AGPAT3: variants seen among roughly 807,000 people sequenced by gnomAD.
The protein encoded by AGPAT3 is 1-acyl-sn-glycerol-3-phosphate acyltransferase gamma.
A neutral mutation model predicts 47.3 loss-of-function variants in AGPAT3; 5 were observed. The observed-to-expected ratio is 0.11, with a 90% CI of 0.06 to 0.22. The LOEUF (loss-of-function observed/expected upper bound fraction) is 0.22. AGPAT3 is among the 10% of genes least tolerant of loss of function. The pLI is 1.00. For synonymous variants in AGPAT3, 212 were observed against 208.3 expected, an observed-to-expected ratio of 1.02 and a Z score of -0.15; for missense variants, 315 against 493.0, an observed-to-expected ratio of 0.64 and a Z score of 3.42.
At chr21:43,919,922 C>A (rs1418287992) in intron 2 of AGPAT3, 1 of 152,230 alleles carries the variant, frequency 6.6e-6, no homozygotes, top group Non-Finnish European at 1.5e-5. Flanking sequence ...GTTTTCTTCC[C>A]AAATAGTGTA....
chr21:43,895,414 T>G (rs1273956728), intron 1 of AGPAT3, among the ~76,000 whole-genome samples: 2 of 152,076 alleles, frequency 1.3e-5, no homozygotes, highest in African/African-American at 4.8e-5. Context: ...CAGCCTGTTA[T>G]CAGCATTTTA....
In AGPAT3 at chr21:43,934,660, G is replaced by A. The variant is rs2087371796; in HGVS notation, c.-48-24974G>A. Among the ~76,000 whole-genome samples the A allele has an allele frequency of 6.6e-6, 1 of 152,196 alleles. No individual in the cohort carries two copies. The highest frequency in any genetic ancestry group is 2.4e-5 in the African/African-American group (1 of 41,440). On this transcript the variant is annotated intron_variant, in intron 2 of 9. Transcript: ENST00000291572. The surrounding 1 kb of genome is among the most constrained non-coding windows in gnomAD (Gnocchi z 4.7). ...AGGGGCGGGCTCAAGCCCTGGTCGT[G>A]AGCAGGATGACATTCAGATAGCTGG...
At position 43,970,790 on chromosome 21, in the gene AGPAT3, G is replaced by A; in HGVS notation, c.648G>A (p.Lys216=). 3.8e-6 allele frequency: 6 copies of A among 1,587,904 alleles called. No individual in the cohort carries two copies. The highest frequency in any genetic ancestry group is 5.2e-6 in the Non-Finnish European group (6 of 1,161,944). The change falls in exon 6 of 10, where the codon AAG becomes AAA. Residue 216 remains lysine (K), a synonymous_variant. Transcript: ENST00000291572. The surrounding 1 kb of genome is among the most constrained non-coding windows in gnomAD (Gnocchi z 5.8). The part of the protein sequence containing the change: ...PRTKGFTTAV[K]CLRGTVAAVY... ...CCAAGGGCTTCACCACCGCAGTCAA[G>A]TGCCTCCGGGGGACAGGTAGGCCCC...
intron 2 of AGPAT3, among the ~76,000 whole-genome samples, chr21:43,929,660 A>G (rs1335033136): frequency 2.6e-5 from 4 of 152,194 alleles, no homozygotes; most frequent in Non-Finnish European, 5.9e-5. Context: ...GTGGCAGGAC[A>G]GGGGACACCT....
chr21:43,936,037 G>A (rs988640648), intron 2 of AGPAT3, among the ~76,000 whole-genome samples: 6 of 152,222 alleles, frequency 3.9e-5, no homozygotes, highest in Non-Finnish European at 5.9e-5. Context: ...AGGGTCACAC[G>A]GAAGGCTCAC....
chr21:43,961,621 T>C (rs1214365436), intron 3 of AGPAT3, among the ~76,000 whole-genome samples: 1 of 145,392 alleles, frequency 6.9e-6, no homozygotes, highest in Non-Finnish European at 1.5e-5. Context: ...CTTTGTCTCA[T>C]ATGGGAAACG....
At position 43,982,443 on chromosome 21, in the gene AGPAT3, C is replaced by A; in HGVS notation, c.*51C>A. 1 of 1,354,884 alleles carries A rather than the reference C, an allele frequency of 7.4e-7. No homozygotes were observed. The highest frequency in any genetic ancestry group is 1.1e-6 in the Non-Finnish European group (1 of 949,948). 83.9% of individuals were successfully genotyped at this position (1,354,884 alleles called of 1,614,324 possible). A position where few individuals can be genotyped will look rare whatever the true frequency, so the allele number is the denominator to read the frequency against. ...GGCCCTGACGGTGGTATCCAGTTAA[C>A]TCAAAACCAACACACAGAGTGCAGG... On this transcript the variant is annotated 3_prime_UTR_variant, in exon 10 of 10. Transcript: ENST00000291572. This position sits in a 1 kb window ranked among gnomAD's most constrained non-coding sequence, Gnocchi z 6.2.
At chr21:43,916,595 ACT>A (rs1003681947) in intron 2 of AGPAT3, among the ~76,000 whole-genome samples, 4 of 143,450 alleles carry the variant, frequency 2.8e-5, no homozygotes, top group African/African-American at 1.1e-4. Flanking sequence ...TGTATTTTTA[ACT>A]CTGCTGAATT....
chr21:43,876,430 C>T (rs2085734820), intron 1 of AGPAT3, among the ~76,000 whole-genome samples: 1 of 152,224 alleles, frequency 6.6e-6, no homozygotes, highest in Non-Finnish European at 1.5e-5. Flanking sequence ...TCCTGCAAGG[C>T]TTGAAGGGAG....
At chr21:43,907,456 A>G (rs1005874129) in intron 2 of AGPAT3, among the ~76,000 whole-genome samples, 2 of 152,116 alleles carry the variant, frequency 1.3e-5, no homozygotes, top group African/African-American at 4.8e-5. Context: ...GGTGGCTCAC[A>G]CCTGTAATCC....
chr21:43,946,599 TAAA>T (rs36037106), intron 2 of AGPAT3, among the ~76,000 whole-genome samples: 4 of 133,494 alleles, frequency 3.0e-5, no homozygotes, highest in Non-Finnish European at 1.6e-5. Flanking sequence ...GACTCCTTCT[TAAA>T]AAAAAAAAAA....
chr21:43,918,858 T>G (rs900572901), intron 2 of AGPAT3, among the ~76,000 whole-genome samples: 2 of 152,252 alleles, frequency 1.3e-5, no homozygotes, highest in African/African-American at 4.8e-5. Context: ...ATTACAGGTG[T>G]GAGCTACCCC....
At position 43,987,161 on chromosome 21, in the gene AGPAT3, C is replaced by G. The variant is rs1044823029; in HGVS notation, c.*4769C>G. 6.6e-6 allele frequency among the ~76,000 whole-genome samples: 1 copy of G among 152,260 alleles called. No homozygotes were observed. The highest frequency in any genetic ancestry group is 6.5e-5 in the Admixed American group (1 of 15,286). ...AGCGACTCCGTGCCTCCTTCTGTTT[C>G]TTCGTTTCCAGTCTGCATAGATGTC... On this transcript the variant is annotated 3_prime_UTR_variant, in exon 10 of 10. Transcript: ENST00000291572.
At chr21:43,917,083 G>A (rs1283033815) in intron 2 of AGPAT3, among the ~76,000 whole-genome samples, 1 of 152,100 alleles carries the variant, frequency 6.6e-6, no homozygotes, top group East Asian at 1.9e-4. Flanking sequence ...CGGGCACCCT[G>A]CGGGCAAGTG....
At chr21:43,923,253 C>T (rs946191336) in intron 2 of AGPAT3, among the ~76,000 whole-genome samples, 8 of 151,824 alleles carry the variant, frequency 5.3e-5, no homozygotes, top group South Asian at 4.2e-4. Context: ...GTCTGGGGGG[C>T]ACTCCATGTA....
At position 43,982,468 on chromosome 21, in the gene AGPAT3, G is replaced by A; in HGVS notation, c.*76G>A. On this transcript the variant is annotated 3_prime_UTR_variant, in exon 10 of 10. Coordinates refer to ENST00000291572, the MANE Select transcript of AGPAT3 (RefSeq NM_020132.5). The surrounding 1 kb of genome is among the most constrained non-coding windows in gnomAD (Gnocchi z 6.2). ...CTCAAAACCAACACACAGAGTGCAG[G>A]AAAAGACAATTAGAAACTATTTTTC... The A allele has an allele frequency of 9.3e-7, 1 of 1,073,176 alleles. No homozygotes were observed. Among genetic ancestry groups the A allele is most frequent in the Non-Finnish European group, 1.4e-6 (1 of 713,320 alleles). The allele number at this position is 1,073,176 out of a possible 1,614,324, so 66.5% of individuals were successfully genotyped here. A position where few individuals can be genotyped will look rare whatever the true frequency, so the allele number is the denominator to read the frequency against.
intron 2 of AGPAT3, among the ~76,000 whole-genome samples, chr21:43,938,117 GACAC>G (rs60019728): frequency 0.26 from 38,230 of 147,290 alleles, 5,502 homozygotes; most frequent in South Asian, 0.35. Context: ...CACACACACA[GACAC>G]ACACACACAC....
At chr21:43,910,151 A>G (rs1408307931) in intron 2 of AGPAT3, among the ~76,000 whole-genome samples, 2 of 152,266 alleles carry the variant, frequency 1.3e-5, no homozygotes, top group Admixed American at 6.5e-5. Context: ...TCAGGAACAC[A>G]GAGGACAGAG....
intron 1 of AGPAT3, among the ~76,000 whole-genome samples, chr21:43,902,935 G>A (rs1601258356): frequency 6.6e-6 from 1 of 152,172 alleles, no homozygotes; most frequent in East Asian, 1.9e-4. Context: ...AGAAGACTGA[G>A]GCTGCAGTGA....
Sources: gnomAD v4.1 joint callset for allele counts (sites outside exome capture counted in the v4.1 genomes callset) on GRCh38, gnomAD v4.1.1 for gene constraint, Gnocchi (gnomAD v3.1) non-coding constraint, MANE v1.5 for transcripts, NCBI Gene and HGNC (gene_info 2026-07-23, HGNC 2026-07-21) for gene names.